The following CENPP variants were observed in gnomAD, a reference collection of about 807,000 sequenced individuals.
The protein encoded by CENPP is centromere protein P.
In CENPP, 24 loss-of-function variants were observed where a neutral mutation model predicts 35.6. The ratio of observed to expected loss-of-function variants is 0.67; its 90% CI spans 0.49 to 0.95. CENPP has a LOEUF of 0.95. Ranked by LOEUF, CENPP falls within the 40% of genes least tolerant of loss-of-function variation. CENPP has a pLI of 0.00. For missense variants in CENPP, 332 were observed against 345.3 expected, an observed-to-expected ratio of 0.96 and a Z score of 0.31; for synonymous variants, 120 against 125.5, an observed-to-expected ratio of 0.96 and a Z score of 0.29.
rs777683431 is a variant in CENPP, at chr9:92,332,207, G to A, written c.145G>A (p.Gly49Arg). ...FQAIHQFNLEGWKSSKDLKNQ... is the reference protein window; with the variant it reads ...FQAIHQFNLERWKSSKDLKNQ... ...AGCCATACACCAATTCAATTTGGAA[G>A]GATGGAAGTCTTCAAAAGATCTGAA... The change falls in exon 2 of 8, where the codon GGA (glycine) becomes AGA (arginine). Residue 49 changes from glycine to arginine, a missense_variant. Physicochemically the swap from Gly to Arg is moderately radical, Grantham distance 125. Coordinates refer to ENST00000375587, the MANE Select transcript of CENPP (RefSeq NM_001012267.3). 3 of 1,610,254 alleles carry A rather than the reference G, an allele frequency of 1.9e-6. No individual in the cohort carries two copies. In the South Asian group the frequency reaches 3.3e-5, roughly 18 times the overall value.
At chr9:92,383,217 G>A (rs755710848) in intron 5 of CENPP, among the ~76,000 whole-genome samples, 6 of 152,030 alleles carry the variant, frequency 3.9e-5, no homozygotes, top group Non-Finnish European at 8.8e-5. Flanking sequence ...TTTCATTACT[G>A]TATCTTTGTT....
intron 5 of CENPP, among the ~76,000 whole-genome samples, chr9:92,394,405 G>T (rs1842807536): frequency 7.1e-6 from 1 of 140,224 alleles, no homozygotes; most frequent in South Asian, 2.5e-4. Flanking sequence ...ACCACACATG[G>T]CTATTTTTTT....
intron 5 of CENPP, among the ~76,000 whole-genome samples, chr9:92,523,334 A>G (rs1159707255): frequency 6.6e-6 from 1 of 152,232 alleles, no homozygotes; most frequent in Non-Finnish European, 1.5e-5. Flanking sequence ...TTGAGGCGTC[A>G]TAGGCTACAC....
chr9:92,539,339 C>T (rs1357175881), intron 5 of CENPP, among the ~76,000 whole-genome samples: 2 of 141,058 alleles, frequency 1.4e-5, no homozygotes, highest in Admixed American at 7.0e-5. Context: ...TCCCGCCTTC[C>T]CCCGCTCCCC....
intron 4 of CENPP, among the ~76,000 whole-genome samples, chr9:92,373,127 T>A (rs574657410): frequency 7.9e-5 from 12 of 152,284 alleles, no homozygotes; most frequent in South Asian, 4.1e-4. Context: ...AAAGCCTTTT[T>A]TGTTTTTTAA....
intron 5 of CENPP, chr9:92,384,291 A>G (rs1842342369): frequency 6.6e-6 from 1 of 152,210 alleles, no homozygotes; most frequent in African/African-American, 2.4e-5. Flanking sequence ...AACATCTGAC[A>G]TTCTAGGTAG....
intron 4 of CENPP, among the ~76,000 whole-genome samples, chr9:92,375,562 C>T (rs968380576): frequency 4.6e-5 from 7 of 152,274 alleles, no homozygotes; most frequent in Non-Finnish European, 7.4e-5. Context: ...TCCCAAAGTG[C>T]TGGGATTACA....
chr9:92,532,311 G>A (rs1369496048), intron 5 of CENPP, among the ~76,000 whole-genome samples: 2 of 151,560 alleles, frequency 1.3e-5, no homozygotes, highest in Non-Finnish European at 2.9e-5. Context: ...GTTTCACTCT[G>A]TATACAAAGA....
intron 5 of CENPP, among the ~76,000 whole-genome samples, chr9:92,488,724 A>G (rs927120868): frequency 6.6e-6 from 1 of 152,234 alleles, no homozygotes; most frequent in Non-Finnish European, 1.5e-5. Context: ...GCAGATTACA[A>G]CTTATAAAAA....
intron 5 of CENPP, among the ~76,000 whole-genome samples, chr9:92,567,373 G>GATATATATATATCTATAT (rs1849999021): frequency 7.7e-6 from 1 of 129,090 alleles, no homozygotes; most frequent in Non-Finnish European, 1.6e-5. Flanking sequence ...ACATAAGATA[G>GATATATATATATCTATAT]ATATATATAT....
intron 5 of CENPP, among the ~76,000 whole-genome samples, chr9:92,599,668 C>T (rs1160221299): frequency 6.6e-6 from 1 of 152,152 alleles, no homozygotes; most frequent in African/African-American, 2.4e-5. Flanking sequence ...CCACCTGCCT[C>T]GGCCTCCCAG....
chr9:92,340,469 T>C (rs1247427856), intron 3 of CENPP: 2 of 152,296 alleles, frequency 1.3e-5, no homozygotes, highest in African/African-American at 2.4e-5. Flanking sequence ...AATAGTAATT[T>C]GATGCCTTCC....
At chr9:92,557,046 ATTTG>A (rs1174814037) in intron 5 of CENPP, among the ~76,000 whole-genome samples, 1 of 152,170 alleles carries the variant, frequency 6.6e-6, no homozygotes, top group Non-Finnish European at 1.5e-5. Flanking sequence ...TTCTCTCAGC[ATTTG>A]TTTGTCTGAA....
At chr9:92,446,989 T>TAA (rs2131013533) in intron 5 of CENPP, among the ~76,000 whole-genome samples, 1 of 151,816 alleles carries the variant, frequency 6.6e-6, no homozygotes, top group Non-Finnish European at 1.5e-5. Context: ...GTAAACAGAG[T>TAA]AGCTACCTGT....
chr9:92,522,828 G>T lies in CENPP; in HGVS notation c.565-88486G>T, dbSNP rs1229904786. 4 of 1,609,676 alleles carry T rather than the reference G, an allele frequency of 2.5e-6. No individual in the cohort carries two copies. In the Admixed American group the frequency reaches 6.7e-5, roughly 27 times the overall value. On this transcript the variant is annotated intron_variant, in intron 5 of 7. Coordinates refer to ENST00000375587, the MANE Select transcript of CENPP (RefSeq NM_001012267.3). ...TTTTTCCAAAGTCAGTTTGAAAAAT[G>T]ATAAGCAGAAAAAAACAAAACAAAA... is the stretch of plus-strand genomic sequence containing the variant.
At chr9:92,524,123 A>T (rs1268968045) in intron 5 of CENPP, among the ~76,000 whole-genome samples, 2 of 152,114 alleles carry the variant, frequency 1.3e-5, no homozygotes, top group Non-Finnish European at 2.9e-5. Context: ...TCTGTGACTG[A>T]TGTAATCCAC....
At chr9:92,558,119 G>T (rs1218127826) in intron 5 of CENPP, among the ~76,000 whole-genome samples, 1 of 151,936 alleles carries the variant, frequency 6.6e-6, no homozygotes, top group Non-Finnish European at 1.5e-5. Context: ...TAATAACTAA[G>T]CTCCTGAATT....
At chr9:92,462,144 A>G (rs1845139355) in intron 5 of CENPP, among the ~76,000 whole-genome samples, 1 of 151,906 alleles carries the variant, frequency 6.6e-6, no homozygotes, top group South Asian at 2.1e-4. Context: ...TGCCCAGCTA[A>G]TTTTTGCATT....
intron 7 of CENPP, 95 bp from the exon 8 acceptor site, chr9:92,612,924 G>A: frequency 4.9e-6 from 7 of 1,441,066 alleles, no homozygotes; most frequent in South Asian, 4.8e-5. Flanking sequence ...GTCGGGAGGA[G>A]TGCGGGGTCT....
Sources: allele counts gnomAD v4.1 joint callset (sites outside exome capture counted in the v4.1 genomes callset), GRCh38; gene constraint gnomAD v4.1.1; transcripts MANE v1.5; gene names NCBI Gene and HGNC (gene_info 2026-07-23, HGNC 2026-07-21).